ENAH: variants seen among roughly 807,000 people sequenced by gnomAD.
ENAH encodes ENAH actin regulator.
A neutral mutation model predicts 78.7 loss-of-function variants in ENAH; 23 were observed. The ratio of observed to expected loss-of-function variants is 0.29; its 90% CI spans 0.21 to 0.41. ENAH has a LOEUF of 0.41. Among genes scored for constraint, ENAH ranks in the 10% least tolerant of loss-of-function variants. The pLI is 1.00. For synonymous variants in ENAH, 226 were observed against 241.0 expected, an observed-to-expected ratio of 0.94 and a Z score of 0.58; for missense variants, 544 against 691.0, an observed-to-expected ratio of 0.79 and a Z score of 2.39.
intron 3 of ENAH, among the ~76,000 whole-genome samples, chr1:225,533,511 T>A (rs2096547764): frequency 6.6e-6 from 1 of 152,088 alleles, no homozygotes; most frequent in African/African-American, 2.4e-5. Flanking sequence ...GTTAAGAAAC[T>A]AGTGAACCTG....
intron 11 of ENAH, among the ~76,000 whole-genome samples, chr1:225,506,500 T>C (rs1470412161): frequency 6.6e-6 from 1 of 152,184 alleles, no homozygotes; most frequent in Non-Finnish European, 1.5e-5. Context: ...CTCCTTGTTA[T>C]GGGCTTAATA....
chr1:225,490,834 G>A lies in ENAH; in HGVS notation c.*6941C>T, dbSNP rs1450317722. Reference sequence around the variant, plus strand: ...TCAACGTCTTTTACCAACCATCCATGGGCTATTGCTGAGTTGCGGAACTAG... The same window carrying A: ...TCAACGTCTTTTACCAACCATCCATAGGCTATTGCTGAGTTGCGGAACTAG... On this transcript the variant is annotated 3_prime_UTR_variant, in exon 14 of 14. Transcript: ENST00000366843. The A allele has an allele frequency of 6.6e-6, 1 of 152,200 alleles. No individual in the cohort carries two copies. The highest frequency in any genetic ancestry group is 2.4e-5 in the African/African-American group (1 of 41,426). 9.4% of individuals were successfully genotyped at this position (152,200 alleles called of 1,614,324 possible). A position where few individuals can be genotyped will look rare whatever the true frequency, so the allele number is the denominator to read the frequency against.
chr1:225,623,312 G>T (rs749365168), intron 1 of ENAH, among the ~76,000 whole-genome samples: 2 of 152,082 alleles, frequency 1.3e-5, no homozygotes, highest in African/African-American at 2.4e-5. Context: ...AAGGCTGTTA[G>T]ATTACAGGCT....
Position 225,487,579 on chromosome 1 carries a change from A to C in ENAH, c.*10196T>G, listed in dbSNP as rs1400358935. On this transcript the variant is annotated 3_prime_UTR_variant, in exon 14 of 14. Transcript: ENST00000366843. ...TGAGGTTCTGTATGCATAGTAAATG[A>C]TTTCTAGTTACAATTAAAATACAGC... 6.6e-6 allele frequency: 1 copy of C among 152,238 alleles called. No homozygotes were observed. The highest frequency in any genetic ancestry group is 1.5e-5 in the Non-Finnish European group (1 of 68,044). The allele number at this position is 152,238 out of a possible 1,614,324, so 9.4% of individuals were successfully genotyped here. A position where few individuals can be genotyped will look rare whatever the true frequency, so the allele number is the denominator to read the frequency against.
At chr1:225,642,123 C>T (rs1304023313) in intron 1 of ENAH, among the ~76,000 whole-genome samples, 2 of 151,602 alleles carry the variant, frequency 1.3e-5, no homozygotes, top group African/African-American at 2.4e-5. Context: ...ACTGTTTGAA[C>T]CCAGGAGGCA....
chr1:225,502,196 TCTG>T (rs1356224146), intron 11 of ENAH, among the ~76,000 whole-genome samples: 2 of 152,162 alleles, frequency 1.3e-5, no homozygotes, highest in Non-Finnish European at 2.9e-5. Context: ...ACTGAGTTAA[TCTG>T]CTTTTTGTTG....
At chr1:225,584,140 AAG>A (rs2096833858) in intron 1 of ENAH, among the ~76,000 whole-genome samples, 1 of 152,228 alleles carries the variant, frequency 6.6e-6, no homozygotes, top group Admixed American at 6.5e-5. Context: ...GCGACAGAGC[AAG>A]ACTCTGTTTC....
At position 225,493,496 on chromosome 1, in the gene ENAH, G is replaced by A. The variant is rs2096233478; in HGVS notation, c.*4279C>T. 6.6e-6 allele frequency: 1 copy of A among 152,144 alleles called. No individual in the cohort carries two copies. Among genetic ancestry groups the A allele is most frequent in the African/African-American group, 2.4e-5 (1 of 41,434 alleles). The allele number at this position is 152,144 out of a possible 1,614,324, so 9.4% of individuals were successfully genotyped here. A position where few individuals can be genotyped will look rare whatever the true frequency, so the allele number is the denominator to read the frequency against. ...AATGGCTTTTAGTGAAAAGGCAGAG[G>A]TATTAAACATCAGTAATTTCAATAT... is the stretch of plus-strand genomic sequence containing the variant. On this transcript the variant is annotated 3_prime_UTR_variant, in exon 14 of 14. Transcript: ENST00000366843.
chr1:225,546,033 C>G (rs1156641328), intron 3 of ENAH, among the ~76,000 whole-genome samples: 1 of 151,400 alleles, frequency 6.6e-6, no homozygotes, highest in Non-Finnish European at 1.5e-5. Flanking sequence ...AAGTGATCCT[C>G]CTGCCTCAGC....
At position 225,529,022 on chromosome 1, in the gene ENAH, G is replaced by GC. The variant is rs1575421117; in HGVS notation, c.434+1531dup. 3.3e-5 allele frequency among the ~76,000 whole-genome samples: 5 copies of GC among 151,928 alleles called. No homozygotes were observed. In the East Asian group the frequency reaches 9.7e-4, roughly 29 times the overall value. ...ACCATTATCTCCTGCCTAGTTCACTGCAACAGCCTCTTAACTGGCTTTCTT... is the reference window on the plus strand; with the variant it reads ...ACCATTATCTCCTGCCTAGTTCACTGCCAACAGCCTCTTAACTGGCTTTCTT... On this transcript the variant is annotated intron_variant, in intron 4 of 13. Coordinates refer to ENST00000366843, the MANE Select transcript of ENAH (RefSeq NM_018212.6).
At chr1:225,531,075 G>T (rs1353669458) in intron 3 of ENAH, 6 of 396,258 alleles carry the variant, frequency 1.5e-5, no homozygotes, top group Non-Finnish European at 2.7e-5. Flanking sequence ...TGAAAAACAG[G>T]AGAGAGAGAG....
intron 2 of ENAH, among the ~76,000 whole-genome samples, chr1:225,560,851 T>C (rs1326685987): frequency 2.0e-5 from 3 of 152,258 alleles, no homozygotes; most frequent in African/African-American, 7.2e-5. Flanking sequence ...ACTTTTTCAA[T>C]TGTTCATAAC....
rs530110595 is a variant in ENAH, at chr1:225,586,456, A to C, written c.6-19042T>G. On this transcript the variant is annotated intron_variant, in intron 1 of 13. Transcript: ENST00000366843. ...GCCCTGATATTATATAAACTCTCAAAAAAATAAAGAAGAAAACATTTCCAG... is the reference window on the plus strand; with the variant it reads ...GCCCTGATATTATATAAACTCTCAACAAAATAAAGAAGAAAACATTTCCAG... 2.6e-4 allele frequency among the ~76,000 whole-genome samples: 40 copies of C among 152,260 alleles called. 1 individual carries two copies. In the East Asian group the frequency reaches 5.0e-3, roughly 19 times the overall value.
chr1:225,651,501 A>C (rs1003137426), intron 1 of ENAH, among the ~76,000 whole-genome samples: 3 of 152,244 alleles, frequency 2.0e-5, no homozygotes, highest in African/African-American at 7.2e-5. Flanking sequence ...TGTAGATTAT[A>C]TCATTCAAAT....
chr1:225,521,641 CAA>C (rs559523159), intron 4 of ENAH, among the ~76,000 whole-genome samples: 61 of 69,288 alleles, frequency 8.8e-4, no homozygotes, highest in Admixed American at 1.4e-3. Flanking sequence ...ACCCTGTCTC[CAA>C]AAAAAAAAAA....
chr1:225,506,266 C>A (rs1158763052), intron 11 of ENAH, among the ~76,000 whole-genome samples: 1 of 152,224 alleles, frequency 6.6e-6, no homozygotes. Context: ...CAGCTCACTG[C>A]AACCTCCGTC....
chr1:225,555,153 A>T, intron 2 of ENAH, 70 bp from the exon 3 acceptor site: 1 of 1,300,964 alleles, frequency 7.7e-7, no homozygotes. Flanking sequence ...ACAAATGCTG[A>T]TTGTATATAT....
intron 4 of ENAH, among the ~76,000 whole-genome samples, chr1:225,523,725 G>A (rs950937946): frequency 1.3e-5 from 2 of 152,070 alleles, no homozygotes; most frequent in Admixed American, 6.5e-5. Context: ...TAAATTGGAT[G>A]GTTTATAAAT....
At chr1:225,528,188 G>A (rs761096558) in intron 4 of ENAH, among the ~76,000 whole-genome samples, 4 of 152,098 alleles carry the variant, frequency 2.6e-5, no homozygotes, top group Non-Finnish European at 5.9e-5. Context: ...TCACTGTGGA[G>A]GTAATACTCA....
Sources: allele counts gnomAD v4.1 joint callset (sites outside exome capture counted in the v4.1 genomes callset), GRCh38; gene constraint gnomAD v4.1.1; transcripts MANE v1.5; gene names NCBI Gene and HGNC (gene_info 2026-07-23, HGNC 2026-07-21).